The following COX7A1 variants were observed in gnomAD, a reference collection of about 807,000 sequenced individuals.
The protein encoded by COX7A1 is cytochrome c oxidase subunit 7A1, mitochondrial.
COX7A1 carries 21 observed loss-of-function variants against 13.2 expected under a neutral mutation model. The ratio of observed to expected loss-of-function variants is 1.59; its 90% CI spans 1.13 to 2.29. The LOEUF (loss-of-function observed/expected upper bound fraction) is 2.29. Ranked by LOEUF, COX7A1 falls within the 30% of genes most tolerant of loss-of-function variation. The probability of loss-of-function intolerance (pLI) is 0.00; values close to 1 mark genes in which losing one functional copy is unlikely to be tolerated. For missense variants in COX7A1, 107 were observed against 100.0 expected, an observed-to-expected ratio of 1.07 and a Z score of -0.30; for synonymous variants, 41 against 41.9, an observed-to-expected ratio of 0.98 and a Z score of 0.08.
chr19:36,151,660 A>ACCCCCCCC lies in COX7A1; in HGVS notation c.102+8_102+9insGGGGGGGG, dbSNP rs3214131. On this transcript the variant is annotated intron_variant, in intron 2 of 3. Transcript: ENST00000292907. ...GCGCGTCGGATCCCCACCCCCCCCG[A>ACCCCCCCC]CCCCCCACCTGGAAGAGCTTCTGTT... 1.1e-5 allele frequency: 12 copies of ACCCCCCCC among 1,114,510 alleles called. No homozygotes were observed. Among genetic ancestry groups the ACCCCCCCC allele is most frequent in the East Asian group, 6.7e-5 (2 of 29,964 alleles). The allele number at this position is 1,114,510 out of a possible 1,614,324, so 69.0% of individuals were successfully genotyped here. A position where few individuals can be genotyped will look rare whatever the true frequency, so the allele number is the denominator to read the frequency against.
In COX7A1 at chr19:36,151,735, G is replaced by C. The variant is rs149425283; in HGVS notation, c.36C>G (p.Arg12=). 3.9e-5 allele frequency: 62 copies of C among 1,605,908 alleles called. No individual in the cohort carries two copies. The highest frequency in any genetic ancestry group is 5.0e-5 in the Non-Finnish European group (59 of 1,176,804). Residue 12 remains arginine (R), a synonymous_variant, in exon 2 of 4, where the codon CGC becomes CGG. Transcript: ENST00000292907. ...GGTTCCGGGCGGTGGAGCTGAAGGA[G>C]CGGATCAGCGCCTGGGACACCTGCG... ...QALRVSQALI[R]SFSSTARNRF...
At chr19:36,152,047 G>T (rs969070596) in intron 1 of COX7A1, 8 of 603,692 alleles carry the variant, frequency 1.3e-5, no homozygotes, top group Non-Finnish European at 2.4e-5. Flanking sequence ...TTTGTTGGGG[G>T]AGGGTTTCCT....
Position 36,151,650 on chromosome 19 carries a change from A to AACC in COX7A1, c.102+18_102+19insGGT. The AACC allele has an allele frequency of 7.4e-6, 8 of 1,078,296 alleles. No individual in the cohort carries two copies. The Admixed American group carries it at 7.9e-5, about 11-fold the overall frequency. 66.8% of individuals were successfully genotyped at this position (1,078,296 alleles called of 1,614,324 possible). A position where few individuals can be genotyped will look rare whatever the true frequency, so the allele number is the denominator to read the frequency against. On this transcript the variant is annotated intron_variant, in intron 2 of 3. Coordinates refer to ENST00000292907, the MANE Select transcript of COX7A1 (RefSeq NM_001864.4). ...CTCCCGGCTGGCGCGTCGGATCCCC[A>AACC]CCCCCCCCGACCCCCCACCTGGAAG...
Position 36,151,601 on chromosome 19 carries a change from C to A in COX7A1, c.103-55G>T. On this transcript the variant is annotated intron_variant, in intron 2 of 3. Transcript: ENST00000292907. ...GGTGCTGGCTGCTCCTTAGAGCGCG[C>A]CCCGCCTGCCCCGGCTCGGCGCGCT... is the stretch of plus-strand genomic sequence containing the variant. The A allele has an allele frequency of 6.2e-6, 10 of 1,611,496 alleles. No individual in the cohort carries two copies. The South Asian group carries it at 1.1e-4, about 18-fold the overall frequency.
rs745507376 is a variant in COX7A1, at chr19:36,151,657, CCG to C, written c.102+10_102+11del. 1.4e-6 allele frequency: 2 copies of C among 1,473,940 alleles called. No homozygotes were observed. The highest frequency in any genetic ancestry group is 1.8e-6 in the Non-Finnish European group (2 of 1,097,694). 91.3% of individuals were successfully genotyped at this position (1,473,940 alleles called of 1,614,324 possible). On this transcript the variant is annotated intron_variant, in intron 2 of 3. Coordinates refer to ENST00000292907, the MANE Select transcript of COX7A1 (RefSeq NM_001864.4). ...CTGGCGCGTCGGATCCCCACCCCCC[CCG>C]ACCCCCCACCTGGAAGAGCTTCTGT...
At position 36,151,715 on chromosome 19, in the gene COX7A1, C is replaced by T. The variant is rs867102142; in HGVS notation, c.56G>A (p.Arg19Gln). ...GCGCACTCGGTTCTGAAAGCGGTTC[C>T]GGGCGGTGGAGCTGAAGGAGCGGAT... The part of the protein sequence containing the change: ...ALIRSFSSTA[R>Q]NRFQNRVREK... The change falls in exon 2 of 4, where the codon CGG becomes CAG. Residue 19 changes from arginine to glutamine, a missense_variant. Coordinates refer to ENST00000292907, the MANE Select transcript of COX7A1 (RefSeq NM_001864.4). 7.2e-6 allele frequency: 11 copies of T among 1,526,206 alleles called. No individual in the cohort carries two copies. The highest frequency in any genetic ancestry group is 1.1e-5 in the South Asian group (1 of 89,296). The allele number at this position is 1,526,206 out of a possible 1,614,324, so 94.5% of individuals were successfully genotyped here. A position where few individuals can be genotyped will look rare whatever the true frequency, so the allele number is the denominator to read the frequency against.
At chr19:36,151,632 C>G in intron 2 of COX7A1, 37 bp downstream of exon 2, 1 of 1,605,804 alleles carries the variant, frequency 6.2e-7, no homozygotes, top group Non-Finnish European at 8.5e-7. Context: ...GCGCTCCCGG[C>G]TGGCGCGTCG....
chr19:36,151,412 T>G (rs764691465), intron 3 of COX7A1, 50 bp downstream of exon 3: 12 of 1,604,098 alleles, frequency 7.5e-6, no homozygotes, highest in Non-Finnish European at 1.0e-5. Flanking sequence ...CACCTCTTAC[T>G]CTGGGTCCAG....
chr19:36,151,457 C>T lies in COX7A1; in HGVS notation c.187+5G>A. ...CCCCGCAGCCCAGACGGGCCCTGCG[C>T]TCACCGCCCAGACACAGCGTCATTG... On this transcript the variant is annotated splice_donor_5th_base_variant and intron_variant, in intron 3 of 3. Coordinates refer to ENST00000292907, the MANE Select transcript of COX7A1 (RefSeq NM_001864.4). The T allele has an allele frequency of 2.5e-6, 4 of 1,614,186 alleles. No individual in the cohort carries two copies. The highest frequency in any genetic ancestry group is 3.4e-6 in the Non-Finnish European group (4 of 1,180,018).
rs745444096 is a variant in COX7A1 at position 36,151,553 on chromosome 19, G to A, written c.103-7C>T. 2.5e-6 allele frequency: 4 copies of A among 1,614,046 alleles called. No homozygotes were observed. Among genetic ancestry groups the A allele is most frequent in the African/African-American group, 2.7e-5 (2 of 74,928 alleles). On this transcript the variant is annotated splice_region_variant and splice_polypyrimidine_tract_variant and intron_variant, in intron 2 of 3. Transcript: ENST00000292907. ...ACGGGATGTCATTGTCCTCCTGGATGTGGGGGTGTCTGATGAGAAAGGGGT... is the reference window on the plus strand; with the variant it reads ...ACGGGATGTCATTGTCCTCCTGGATATGGGGGTGTCTGATGAGAAAGGGGT...
chr19:36,151,099 T>G, intron 3 of COX7A1, 65 bp from the exon 4 acceptor site: 2 of 1,524,720 alleles, frequency 1.3e-6, no homozygotes, highest in Non-Finnish European at 1.8e-6. Flanking sequence ...CCCAGGCTTT[T>G]AAGGCCTTCA....
Position 36,151,510 on chromosome 19 carries a change from T to C in COX7A1, c.139A>G (p.Ile47Val), listed in dbSNP as rs1245212155. 3 of 1,614,154 alleles carry C rather than the reference T, an allele frequency of 1.9e-6. No individual in the cohort carries two copies. In the African/African-American group the frequency reaches 4.0e-5, roughly 22 times the overall value. ...ACTCGGTACAGGATGTTGTCAACGATGCCGCCCTTCAGGTACAACGGGATG... is the reference window on the plus strand; with the variant it reads ...ACTCGGTACAGGATGTTGTCAACGACGCCGCCCTTCAGGTACAACGGGATG... Reference protein sequence around the residue: ...NDIPLYLKGGIVDNILYRVTM... With the variant: ...NDIPLYLKGGVVDNILYRVTM... Residue 47 changes from isoleucine (I) to valine (V), a missense_variant, in exon 3 of 4, where the codon ATC becomes GTC. Physicochemically the swap from Ile to Val is conservative, Grantham distance 29 (BLOSUM62 3). Coordinates refer to ENST00000292907, the MANE Select transcript of COX7A1 (RefSeq NM_001864.4).
intron 2 of COX7A1, 24 bp downstream of exon 2, chr19:36,151,645 T>TTCCCCCC: frequency 7.2e-7 from 1 of 1,387,630 alleles, no homozygotes; most frequent in Non-Finnish European, 9.9e-7. Flanking sequence ...GCGCGTCGGA[T>TTCCCCCC]CCCCACCCCC....
In COX7A1 at chr19:36,151,655, C is replaced by CG. The variant is rs755492987; in HGVS notation, c.102+13_102+14insC. Reference sequence around the variant, plus strand: ...GGCTGGCGCGTCGGATCCCCACCCCCCCCGACCCCCCACCTGGAAGAGCTT... The same window carrying CG: ...GGCTGGCGCGTCGGATCCCCACCCCCGCCCGACCCCCCACCTGGAAGAGCTT... On this transcript the variant is annotated intron_variant, in intron 2 of 3. Coordinates refer to ENST00000292907, the MANE Select transcript of COX7A1 (RefSeq NM_001864.4). The CG allele has an allele frequency of 2.8e-6, 4 of 1,442,196 alleles. No homozygotes were observed. In the East Asian group the frequency reaches 1.0e-4, roughly 38 times the overall value. The allele number at this position is 1,442,196 out of a possible 1,614,324, so 89.3% of individuals were successfully genotyped here.
intron 3 of COX7A1, 114 bp downstream of exon 3, chr19:36,151,348 T>G: frequency 5.3e-6 from 6 of 1,140,448 alleles, no homozygotes; most frequent in East Asian, 2.4e-5. Context: ...TCGACCCCCT[T>G]CCTAAACGCC....
Position 36,151,668 on chromosome 19 carries a change from C to T in COX7A1, c.102+1G>A, listed in dbSNP as rs779840985. 2 of 1,582,670 alleles carry T rather than the reference C, an allele frequency of 1.3e-6. No homozygotes were observed. Among genetic ancestry groups the T allele is most frequent in the South Asian group, 2.3e-5 (2 of 88,862 alleles). Reference sequence around the variant, plus strand: ...GATCCCCACCCCCCCCGACCCCCCACCTGGAAGAGCTTCTGTTTCTCGCGC... The same window carrying T: ...GATCCCCACCCCCCCCGACCCCCCATCTGGAAGAGCTTCTGTTTCTCGCGC... On this transcript the variant is annotated splice_donor_variant, in intron 2 of 3. Coordinates refer to ENST00000292907, the MANE Select transcript of COX7A1 (RefSeq NM_001864.4). LOFTEE classifies it high-confidence loss of function.
chr19:36,151,645 T>TGCCCCCCCC, intron 2 of COX7A1, 24 bp downstream of exon 2: 163 of 1,386,980 alleles, frequency 1.2e-4, no homozygotes, highest in Non-Finnish European at 1.4e-4. Context: ...GCGCGTCGGA[T>TGCCCCCCCC]CCCCACCCCC....
intron 1 of COX7A1, chr19:36,152,005 A>G (rs1343324071): frequency 1.6e-6 from 1 of 625,536 alleles, no homozygotes; most frequent in Admixed American, 2.8e-5. Flanking sequence ...ACCCAGAAGG[A>G]CTTTGTTCTG....
chr19:36,151,651 C>G lies in COX7A1; in HGVS notation c.102+18G>C, dbSNP rs745397036. On this transcript the variant is annotated intron_variant, in intron 2 of 3. Coordinates refer to ENST00000292907, the MANE Select transcript of COX7A1 (RefSeq NM_001864.4). ...TCCCGGCTGGCGCGTCGGATCCCCA[C>G]CCCCCCCGACCCCCCACCTGGAAGA... The G allele has an allele frequency of 9.3e-6, 12 of 1,283,736 alleles. No homozygotes were observed. The African/African-American group carries it at 1.5e-4, about 16-fold the overall frequency. The allele number at this position is 1,283,736 out of a possible 1,614,324, so 79.5% of individuals were successfully genotyped here.
Sources: allele counts gnomAD v4.1 joint callset, GRCh38; gene constraint gnomAD v4.1.1; transcripts MANE v1.5; gene names NCBI Gene and HGNC (gene_info 2026-07-23, HGNC 2026-07-21).